The following ARMC8 variants were observed in gnomAD, a reference collection of about 807,000 sequenced individuals.
The protein encoded by ARMC8 is armadillo repeat-containing protein 8.
Under a neutral mutation model 99.3 loss-of-function variants are expected in ARMC8, and 20 were observed. The observed-to-expected ratio is 0.20, with a 90% CI of 0.14 to 0.29. ARMC8 has a LOEUF of 0.29. Among genes scored for constraint, ARMC8 ranks in the 10% least tolerant of loss-of-function variants. The pLI is 1.00. For missense variants in ARMC8, 569 were observed against 809.5 expected, an observed-to-expected ratio of 0.70 and a Z score of 3.60; for synonymous variants, 263 against 278.3, an observed-to-expected ratio of 0.95 and a Z score of 0.55.
At chr3:138,256,475 A>G (rs920348518) in intron 12 of ARMC8, among the ~76,000 whole-genome samples, 2 of 123,888 alleles carry the variant, frequency 1.6e-5, no homozygotes, top group African/African-American at 3.2e-5. Context: ...CAGTGGTGCT[A>G]TCTCGGCTCA....
At chr3:138,250,605 TTAGATAA>T (rs1333554987) in intron 12 of ARMC8, among the ~76,000 whole-genome samples, 1 of 152,194 alleles carries the variant, frequency 6.6e-6, no homozygotes, top group African/African-American at 2.4e-5. Flanking sequence ...GGTTAAAATC[TTAGATAA>T]TAGATGTCTT....
chr3:138,284,347 G>A, intron 18 of ARMC8, 84 bp from the exon 19 acceptor site: 1 of 987,458 alleles, frequency 1.0e-6, no homozygotes, highest in Non-Finnish European at 1.6e-6. Flanking sequence ...GTACCTTCAA[G>A]TGAAAAATTG....
At chr3:138,257,413 T>TATAAAATCACATGGTC (rs1400960506) in intron 12 of ARMC8, among the ~76,000 whole-genome samples, 1 of 152,232 alleles carries the variant, frequency 6.6e-6, no homozygotes, top group Non-Finnish European at 1.5e-5. Flanking sequence ...GTGGTCGTCT[T>TATAAAATCACATGGTC]ATAAAATCAC....
intron 6 of ARMC8, 45 bp downstream of exon 6, chr3:138,229,055 T>C: frequency 2.1e-6 from 3 of 1,425,078 alleles, no homozygotes; most frequent in Non-Finnish European, 2.9e-6. Flanking sequence ...AATCTTATTA[T>C]GCCTTTAAGA....
chr3:138,281,178 T>C (rs1273839109), intron 18 of ARMC8, among the ~76,000 whole-genome samples: 1 of 152,200 alleles, frequency 6.6e-6, no homozygotes, highest in Non-Finnish European at 1.5e-5. Flanking sequence ...CAGTTGTTCA[T>C]ATTAGTATAT....
chr3:138,241,576 TTAA>T (rs2046626885), intron 10 of ARMC8, among the ~76,000 whole-genome samples: 1 of 152,332 alleles, frequency 6.6e-6, no homozygotes, highest in South Asian at 2.1e-4. Context: ...CGAATAGAGT[TTAA>T]TGTGCCAGTA....
At chr3:138,273,703 T>C (rs1345865936) in intron 17 of ARMC8, among the ~76,000 whole-genome samples, 2 of 152,228 alleles carry the variant, frequency 1.3e-5, no homozygotes, top group Admixed American at 1.3e-4. Flanking sequence ...TTCCCTTCTC[T>C]GTGCCCCACA....
intron 18 of ARMC8, among the ~76,000 whole-genome samples, chr3:138,278,171 C>G (rs2049491262): frequency 6.6e-6 from 1 of 152,104 alleles, no homozygotes; most frequent in Admixed American, 6.5e-5. Flanking sequence ...GATAGAACTG[C>G]TCTGTAAATG....
In ARMC8 at chr3:138,223,307, T is replaced by A. The variant is rs954874448; in HGVS notation, c.195-82T>A. 5.5e-6 allele frequency: 7 copies of A among 1,278,500 alleles called. No homozygotes were observed. The African/African-American group carries it at 7.5e-5, about 14-fold the overall frequency. 79.2% of individuals were successfully genotyped at this position (1,278,500 alleles called of 1,614,324 possible). ...CTCAGCCAACCATATTTTTAGTATG[T>A]GGACTGCACAGCCTTTTTTGGTCAC... On this transcript the variant is annotated intron_variant, in intron 3 of 21. Coordinates refer to ENST00000469044, the MANE Select transcript of ARMC8 (RefSeq NM_001363941.2).
intron 18 of ARMC8, among the ~76,000 whole-genome samples, chr3:138,277,963 T>G (rs77941932): frequency 7.6e-4 from 115 of 152,268 alleles, no homozygotes; most frequent in African/African-American, 2.7e-3. Flanking sequence ...TGGATGAATC[T>G]CAAATGCATT....
At chr3:138,228,890 T>G in intron 5 of ARMC8, 28 bp from the exon 6 acceptor site, 1 of 1,443,496 alleles carries the variant, frequency 6.9e-7, no homozygotes. Context: ...GTGCCTGAGT[T>G]TCTTGTTGCT....
chr3:138,190,065 CTTTGTTG>C (rs2043289201), intron 1 of ARMC8, among the ~76,000 whole-genome samples: 1 of 150,846 alleles, frequency 6.6e-6, no homozygotes, highest in Non-Finnish European at 1.5e-5. Context: ...TCATTCAGGA[CTTTGTTG>C]TTTTGTGCCT....
intron 12 of ARMC8, among the ~76,000 whole-genome samples, chr3:138,260,495 T>C (rs1342463130): frequency 6.6e-6 from 1 of 152,186 alleles, no homozygotes; most frequent in East Asian, 1.9e-4. Flanking sequence ...CCCTATTCCC[T>C]TTCCACAGGT....
At chr3:138,261,267 G>A (rs923280149) in intron 12 of ARMC8, among the ~76,000 whole-genome samples, 2 of 152,164 alleles carry the variant, frequency 1.3e-5, no homozygotes, top group African/African-American at 4.8e-5. Flanking sequence ...AAATTGTTTT[G>A]GTTTTGTGTG....
At chr3:138,224,692 G>A (rs534703273) in intron 5 of ARMC8, among the ~76,000 whole-genome samples, 24 of 152,214 alleles carry the variant, frequency 1.6e-4, no homozygotes, top group Non-Finnish European at 3.2e-4. Context: ...AGACGTTGCA[G>A]TGATCTGAGA....
intron 11 of ARMC8, 51 bp downstream of exon 11, chr3:138,242,034 T>C (rs1559978204): frequency 6.7e-7 from 1 of 1,502,316 alleles, no homozygotes; most frequent in East Asian, 2.3e-5. Flanking sequence ...TCTAAAGTTT[T>C]TCTTACTGTT....
intron 12 of ARMC8, among the ~76,000 whole-genome samples, chr3:138,259,823 A>G (rs2047594251): frequency 6.6e-6 from 1 of 152,340 alleles, no homozygotes; most frequent in East Asian, 1.9e-4. Context: ...TACACTCTTA[A>G]TGTTACAGTG....
intron 12 of ARMC8, among the ~76,000 whole-genome samples, chr3:138,258,940 T>C (rs1048289918): frequency 6.6e-6 from 1 of 152,228 alleles, no homozygotes; most frequent in Non-Finnish European, 1.5e-5. Flanking sequence ...ACTGTCTCTT[T>C]TTCTTTTTTA....
chr3:138,255,758 T>A (rs925914073), intron 12 of ARMC8, among the ~76,000 whole-genome samples: 1 of 152,124 alleles, frequency 6.6e-6, no homozygotes, highest in Non-Finnish European at 1.5e-5. Flanking sequence ...GGTGAATAGA[T>A]CCCTTGAGGT....
Sources: gnomAD v4.1 joint callset for allele counts (sites outside exome capture counted in the v4.1 genomes callset) on GRCh38, gnomAD v4.1.1 for gene constraint, MANE v1.5 for transcripts, NCBI Gene and HGNC (gene_info 2026-07-23, HGNC 2026-07-21) for gene names.